Variants in CUBN observed in about 807,000 individuals in gnomAD.
CUBN encodes 460 kDa receptor.
A neutral mutation model predicts 405.3 loss-of-function variants in CUBN; 282 were observed. The ratio of observed to expected loss-of-function variants is 0.70; its 90% CI spans 0.63 to 0.77. The LOEUF (loss-of-function observed/expected upper bound fraction) is 0.77, where lower values mean the gene tolerates loss of function less well. CUBN is among the 30% of genes least tolerant of loss of function. The probability of loss-of-function intolerance (pLI) is 0.00; values close to 1 mark genes in which losing one functional copy is unlikely to be tolerated. For missense variants in CUBN, 4,514 were observed against 4,475.2 expected (o/e 1.01, Z -0.25); for synonymous variants, 1,684 against 1,617.0 (o/e 1.04, Z -0.99).
chr10:17,015,456 A>G (rs1450151524), intron 28 of CUBN, among the ~76,000 whole-genome samples: 1 of 152,314 alleles, frequency 6.6e-6, no homozygotes, highest in East Asian at 1.9e-4. Flanking sequence ...CCCAATTACA[A>G]CTGAGGAGGT....
intron 40 of CUBN, among the ~76,000 whole-genome samples, chr10:16,931,106 A>G (rs1046548893): frequency 6.6e-6 from 1 of 151,908 alleles, no homozygotes; most frequent in Admixed American, 6.6e-5. Flanking sequence ...AATACAAAAA[A>G]AAAAAAAATT....
rs943460999 is a variant in CUBN, at chr10:16,907,552, G to A, written c.7661C>T (p.Pro2554Leu). ...KVIFFTDGSR[P>L]YGGFTASYTS... is the part of the protein sequence containing the mutation. ...ATAGGAAGCAGTGAAGCCGCCATATGGCCTGGATCCATCCGTGAAAAAAAT... is the reference window on the plus strand; with the variant it reads ...ATAGGAAGCAGTGAAGCCGCCATATAGCCTGGATCCATCCGTGAAAAAAAT... Residue 2554 changes from proline (P) to leucine (L), a missense_variant, in exon 49 of 67, where the codon CCA becomes CTA. Physicochemically the swap from Pro to Leu is moderately conservative, Grantham distance 98. Around this residue, in one of 5 missense-constraint regions of CUBN, gnomAD observed 1,613 missense variants for 1,542.8 expected, o/e 1.05. Transcript: ENST00000377833. The A allele has an allele frequency of 1.9e-6, 3 of 1,613,970 alleles. No individual in the cohort carries two copies. Among genetic ancestry groups the A allele is most frequent in the African/African-American group, 1.3e-5 (1 of 74,916 alleles).
At chr10:17,088,133 T>G in intron 15 of CUBN, 31 bp downstream of exon 15, 3 of 1,550,252 alleles carry the variant, frequency 1.9e-6, no homozygotes, top group Non-Finnish European at 2.7e-6. Flanking sequence ...AATCATATTG[T>G]GATATGTTCT....
At position 16,918,753 on chromosome 10, in the gene CUBN, G is replaced by A; in HGVS notation, c.6869C>T (p.Ala2290Val). 2.5e-6 allele frequency: 4 copies of A among 1,613,892 alleles called. No individual in the cohort carries two copies. The highest frequency in any genetic ancestry group is 3.4e-6 in the Non-Finnish European group (4 of 1,179,882). Residue 2290 changes from alanine (A) to valine (V), a missense_variant, in exon 45 of 67, where the codon GCA (alanine) becomes GTA (valine). Physicochemically the swap from Ala to Val is moderately conservative, Grantham distance 64. Transcript: ENST00000377833. The part of the protein sequence containing the change: ...LELRDGVDSD[A>V]PILSKFCGTS... ...CCCACAAAATTTGGAAAGTATTGGT[G>A]CATCCGAATCCACTCCATCCCGCAA... is the stretch of plus-strand genomic sequence containing the variant.
In CUBN at chr10:16,841,298, A is replaced by G. The variant is rs190861865; in HGVS notation, c.9664-251T>C. Among the ~76,000 whole-genome samples, 227 of 152,268 alleles carry G rather than the reference A, an allele frequency of 1.5e-3. 1 individual carries two copies. The highest frequency in any genetic ancestry group is 5.2e-3 in the African/African-American group (214 of 41,552). On this transcript the variant is annotated intron_variant, in intron 60 of 66. Transcript: ENST00000377833. ...ATGATTTTTAAAAGAAGGTGTTATG[A>G]GAGTCCGCTCACCCACTGCTACTTT... is the stretch of plus-strand genomic sequence containing the variant.
At chr10:16,933,813 C>A (rs1354304731) in intron 39 of CUBN, among the ~76,000 whole-genome samples, 1 of 152,134 alleles carries the variant, frequency 6.6e-6, no homozygotes, top group East Asian at 1.9e-4. Context: ...TCTCCTTCCC[C>A]ATTTTTTCCT....
At chr10:16,871,070 C>A (rs1287553240) in intron 58 of CUBN, among the ~76,000 whole-genome samples, 1 of 151,736 alleles carries the variant, frequency 6.6e-6, no homozygotes, top group Non-Finnish European at 1.5e-5. Context: ...CTCTGTTGCA[C>A]AGGCTGGAGT....
intron 31 of CUBN, among the ~76,000 whole-genome samples, chr10:16,963,544 C>T (rs1323507184): frequency 6.6e-6 from 1 of 152,088 alleles, no homozygotes; most frequent in Admixed American, 6.6e-5. Context: ...CTAGCAATTC[C>T]ACTTCTGCAG....
chr10:16,861,286 C>T (rs946408501), intron 59 of CUBN, among the ~76,000 whole-genome samples: 5 of 151,974 alleles, frequency 3.3e-5, no homozygotes, highest in South Asian at 2.1e-4. Context: ...TTCAGCTGCC[C>T]GAGTAGCTGG....
chr10:17,025,240 C>G (rs1467170870), intron 27 of CUBN, among the ~76,000 whole-genome samples: 1 of 152,102 alleles, frequency 6.6e-6, no homozygotes, highest in Non-Finnish European at 1.5e-5. Context: ...TTTTTGAGAA[C>G]TATACTCAAT....
At chr10:16,834,050 C>T (rs1181438474) in intron 64 of CUBN, among the ~76,000 whole-genome samples, 2 of 152,136 alleles carry the variant, frequency 1.3e-5, no homozygotes, top group African/African-American at 2.4e-5. Flanking sequence ...TCTTTATGCT[C>T]TTGGTTTTTA....
intron 31 of CUBN, among the ~76,000 whole-genome samples, chr10:16,976,884 TATTTATC>T (rs1833114738): frequency 1.3e-5 from 2 of 152,316 alleles, no homozygotes; most frequent in South Asian, 4.1e-4. Flanking sequence ...TTAGCTATGG[TATTTATC>T]AGTTCTCAAA....
intron 41 of CUBN, among the ~76,000 whole-genome samples, chr10:16,926,047 G>C (rs1412636419): frequency 6.6e-6 from 1 of 152,086 alleles, no homozygotes; most frequent in Non-Finnish European, 1.5e-5. Flanking sequence ...AGATGGGGAA[G>C]ACATACAATA....
chr10:16,986,885 C>T (rs1301206803), intron 29 of CUBN, among the ~76,000 whole-genome samples: 1 of 152,168 alleles, frequency 6.6e-6, no homozygotes, highest in Non-Finnish European at 1.5e-5. Context: ...AAAACTCGCA[C>T]GTCGGCAAAA....
At chr10:17,041,635 G>T (rs917706976) in intron 26 of CUBN, among the ~76,000 whole-genome samples, 6 of 151,854 alleles carry the variant, frequency 4.0e-5, no homozygotes, top group African/African-American at 1.5e-4. Flanking sequence ...GTTAACACGT[G>T]GAAGGGACAG....
intron 28 of CUBN, among the ~76,000 whole-genome samples, chr10:17,009,686 C>A (rs1255778148): frequency 1.3e-5 from 2 of 152,226 alleles, no homozygotes; most frequent in Non-Finnish European, 1.5e-5. Context: ...TGCAGACCAA[C>A]TGAATCCTGT....
rs1211830148 is a variant in CUBN at position 17,068,401 on chromosome 10, TTAAGA to T, written c.2792-126_2792-122del. 5 of 1,079,494 alleles carry T rather than the reference TTAAGA, an allele frequency of 4.6e-6. No individual in the cohort carries two copies. In the Admixed American group the frequency reaches 8.6e-5, roughly 19 times the overall value. 66.9% of individuals were successfully genotyped at this position (1,079,494 alleles called of 1,614,324 possible). ...AGGAAAAATGTTTCTTAGTTGCCAC[TTAAGA>T]TAACCTGATTTTTCTCTTATTAATA... On this transcript the variant is annotated intron_variant, in intron 20 of 66. Coordinates refer to ENST00000377833, the MANE Select transcript of CUBN (RefSeq NM_001081.4).
chr10:16,933,164 G>C lies in CUBN; in HGVS notation c.6047C>G (p.Thr2016Ser), dbSNP rs555477131. The part of the protein sequence containing the change: ...CTWLIQAPDS[T>S]VELNILSLDI... ...CAGGGAAAGAATGTTGAGTTCCACG[G>C]TAGAGTCGGGAGCCTGGATGAGCCA... Residue 2016 changes from threonine to serine, a missense_variant, in exon 40 of 67, where the codon ACC (threonine) becomes AGC (serine). This residue lies in a region of CUBN where 1,613 missense variants were observed against 1,542.8 expected (regional missense o/e 1.05). Coordinates refer to ENST00000377833, the MANE Select transcript of CUBN (RefSeq NM_001081.4). 1 of 1,614,056 alleles carries C rather than the reference G, an allele frequency of 6.2e-7. No homozygotes were observed. The highest frequency in any genetic ancestry group is 1.1e-5 in the South Asian group (1 of 91,076).
chr10:16,999,548 T>C (rs1042802384), intron 28 of CUBN, among the ~76,000 whole-genome samples: 1 of 152,204 alleles, frequency 6.6e-6, no homozygotes, highest in African/African-American at 2.4e-5. Context: ...TTTGAAATGA[T>C]TGAAGACTTC....
Sources: allele counts gnomAD v4.1 joint callset (sites outside exome capture counted in the v4.1 genomes callset), GRCh38; gene constraint gnomAD v4.1.1; regional missense constraint gnomAD v4.1.1; transcripts MANE v1.5; gene names NCBI Gene and HGNC (gene_info 2026-07-23, HGNC 2026-07-21).